CDH5: variants seen among roughly 807,000 people sequenced by gnomAD.
The protein encoded by CDH5 is cadherin-5.
A neutral mutation model predicts 62.0 loss-of-function variants in CDH5; 28 were observed. The observed-to-expected ratio is 0.45, with a 90% confidence interval of 0.33 to 0.62. The LOEUF (loss-of-function observed/expected upper bound fraction) is 0.62, where lower values mean the gene tolerates loss of function less well. Among genes scored for constraint, CDH5 ranks in the 20% least tolerant of loss-of-function variants. The pLI, the probability that CDH5 is intolerant of heterozygous loss-of-function variation, is 0.02. For synonymous variants in CDH5, 464 were observed against 445.8 expected, an observed-to-expected ratio of 1.04 and a Z score of -0.52; for missense variants, 940 against 1,065.1, an observed-to-expected ratio of 0.88 and a Z score of 1.63.
intron 2 of CDH5, among the ~76,000 whole-genome samples, chr16:66,382,273 C>T (rs764332455): frequency 1.3e-5 from 2 of 152,174 alleles, no homozygotes; most frequent in African/African-American, 2.4e-5. Context: ...CCACTCGGAG[C>T]CCCACCCACA....
At chr16:66,381,579 C>G (rs1448164439) in intron 2 of CDH5, among the ~76,000 whole-genome samples, 1 of 152,118 alleles carries the variant, frequency 6.6e-6, no homozygotes, top group Non-Finnish European at 1.5e-5. Flanking sequence ...ATCTAAATGA[C>G]AGGTGCAAAA....
At chr16:66,380,717 G>T (rs1444730683) in intron 2 of CDH5, among the ~76,000 whole-genome samples, 1 of 151,480 alleles carries the variant, frequency 6.6e-6, no homozygotes, top group African/African-American at 2.4e-5. Flanking sequence ...GAAGGACAAG[G>T]TGGTGGTGGT....
intron 3 of CDH5, among the ~76,000 whole-genome samples, chr16:66,387,620 G>A (rs1034826246): frequency 6.6e-6 from 1 of 152,238 alleles, no homozygotes; most frequent in Non-Finnish European, 1.5e-5. Context: ...GCCATCAGAG[G>A]CATATCTCAC....
chr16:66,371,115 C>T (rs1156463479), intron 1 of CDH5, among the ~76,000 whole-genome samples: 3 of 152,188 alleles, frequency 2.0e-5, no homozygotes, highest in Admixed American at 6.5e-5. Flanking sequence ...ACCCCATTCC[C>T]GAGCTCCCAG....
At chr16:66,392,406 G>A in intron 7 of CDH5, 23 bp downstream of exon 7, 7 of 1,613,430 alleles carry the variant, frequency 4.3e-6, no homozygotes, top group Non-Finnish European at 5.9e-6. Context: ...GTGTCGATGA[G>A]AATGATAAGG....
intron 1 of CDH5, among the ~76,000 whole-genome samples, chr16:66,375,830 G>T (rs1050991800): frequency 6.6e-6 from 1 of 150,866 alleles, no homozygotes; most frequent in Admixed American, 6.6e-5. Context: ...AAAAGCCACC[G>T]GCTACGGTGG....
chr16:66,388,953 A>G (rs1240259493), intron 4 of CDH5, among the ~76,000 whole-genome samples: 2 of 152,246 alleles, frequency 1.3e-5, no homozygotes, highest in Admixed American at 6.5e-5. Flanking sequence ...AACAAAAAAT[A>G]TAAGGACTGA....
chr16:66,400,807 T>A lies in CDH5; in HGVS notation c.1628T>A (p.Phe543Tyr), dbSNP rs1026312297. ...TANITVKYGQ[F>Y]DREHTKVHFL... is the part of the protein sequence containing the mutation. ...AACATCACAGTCAAGTATGGGCAGT[T>A]TGACCGGGAGCATACCAAGGTCCAC... Residue 543 changes from phenylalanine (F) to tyrosine (Y), a missense_variant, in exon 11 of 12, where the codon TTT becomes TAT. By Grantham distance (22) the Phe-to-Tyr change is conservative. Coordinates refer to ENST00000341529, the MANE Select transcript of CDH5 (RefSeq NM_001795.5). The A allele has an allele frequency of 7.4e-6, 12 of 1,614,206 alleles. No homozygotes were observed. Among genetic ancestry groups the A allele is most frequent in the Middle Eastern group, 3.3e-4 (2 of 6,062 alleles).
chr16:66,400,704 TGGA>T lies in CDH5; in HGVS notation c.1592-62_1592-60del, dbSNP rs540463094. ...GCTGGTGCAGTCAGGGAGGGCTTCC[TGGA>T]GGAGCCAGGTTTCCCCATCTGTGCA... On this transcript the variant is annotated intron_variant, in intron 10 of 11. Coordinates refer to ENST00000341529, the MANE Select transcript of CDH5 (RefSeq NM_001795.5). The T allele has an allele frequency of 8.2e-5, 132 of 1,606,504 alleles. No homozygotes were observed. In the African/African-American group the frequency reaches 1.5e-3, roughly 18 times the overall value.
At chr16:66,377,123 G>A (rs1245955201) in intron 1 of CDH5, 1 of 152,242 alleles carries the variant, frequency 6.6e-6, no homozygotes, top group Non-Finnish European at 1.5e-5. Context: ...ATGAGCCACA[G>A]GGTCTGGGTC....
intron 4 of CDH5, among the ~76,000 whole-genome samples, chr16:66,388,753 G>A (rs1961030067): frequency 6.6e-6 from 1 of 152,168 alleles, no homozygotes; most frequent in Non-Finnish European, 1.5e-5. Flanking sequence ...GACAGATCTG[G>A]TTTCCAAAGC....
intron 1 of CDH5, among the ~76,000 whole-genome samples, chr16:66,376,976 G>A (rs1960798421): frequency 6.6e-6 from 1 of 152,190 alleles, no homozygotes; most frequent in Admixed American, 6.5e-5. Flanking sequence ...GTTCTGCCCA[G>A]AGCCCTGAGA....
At position 66,392,211 on chromosome 16, in the gene CDH5, A is replaced by T; in HGVS notation, c.1045A>T (p.Met349Leu). 2 of 1,614,108 alleles carry T rather than the reference A, an allele frequency of 1.2e-6. No homozygotes were observed. The highest frequency in any genetic ancestry group is 1.7e-6 in the Non-Finnish European group (2 of 1,180,016). Reference protein sequence around the residue: ...ATDPTIDLRYMSPPAGNRAQV... With the variant: ...ATDPTIDLRYLSPPAGNRAQV... ...AGACCCCACCATCGACCTCCGATAC[A>T]TGAGCCCTCCCGCGGGAAACAGAGC... Residue 349 changes from methionine (M) to leucine (L), a missense_variant, in exon 7 of 12, where the codon ATG becomes TTG. Coordinates refer to ENST00000341529, the MANE Select transcript of CDH5 (RefSeq NM_001795.5).
intron 1 of CDH5, among the ~76,000 whole-genome samples, chr16:66,370,978 G>A (rs1482581235): frequency 6.6e-6 from 1 of 152,116 alleles, no homozygotes; most frequent in Non-Finnish European, 1.5e-5. Flanking sequence ...GCAGGGAGTG[G>A]GGAGGCTGTT....
chr16:66,399,945 C>T (rs959546703), intron 10 of CDH5, among the ~76,000 whole-genome samples: 2 of 152,168 alleles, frequency 1.3e-5, no homozygotes, highest in Non-Finnish European at 2.9e-5. Context: ...GTTTTTCAAT[C>T]CAGTGTGTGG....
chr16:66,367,574 A>G (rs920894840), intron 1 of CDH5, among the ~76,000 whole-genome samples: 3 of 152,062 alleles, frequency 2.0e-5, no homozygotes, highest in Non-Finnish European at 4.4e-5. Flanking sequence ...CAGCTCTCCC[A>G]TTTGCTCTGG....
chr16:66,398,287 C>T lies in CDH5; in HGVS notation c.1486-169C>T, dbSNP rs2289148. Among the ~76,000 whole-genome samples, 55,131 of 151,900 alleles carry T rather than the reference C, an allele frequency of 0.36. 10,226 individuals are homozygous for T. Among genetic ancestry groups the T allele is most frequent in the East Asian group, 0.52 (2,674 of 5,152 alleles). On this transcript the variant is annotated intron_variant, in intron 9 of 11. Transcript: ENST00000341529. ...AGGGAATATATGGGGAGTAGATTGG[C>T]GGGGCAGGGAAGTAGAAAGAATGGC...
chr16:66,380,254 C>A (rs1474633560), intron 2 of CDH5, among the ~76,000 whole-genome samples: 1 of 78,748 alleles, frequency 1.3e-5, no homozygotes, highest in South Asian at 4.2e-4. Flanking sequence ...TGGTGGTGAT[C>A]ACGGTGATGG....
chr16:66,401,142 G>A, intron 11 of CDH5, 126 bp downstream of exon 11: 1 of 1,243,944 alleles, frequency 8.0e-7, no homozygotes, highest in Admixed American at 2.0e-5. Flanking sequence ...CCTCCAATCT[G>A]CAATGCAGCC....
Sources: allele counts gnomAD v4.1 joint callset (sites outside exome capture counted in the v4.1 genomes callset), GRCh38; gene constraint gnomAD v4.1.1; transcripts MANE v1.5; gene names NCBI Gene and HGNC (gene_info 2026-07-23, HGNC 2026-07-21).